Variants in FREM1 observed in about 807,000 individuals in gnomAD.
FREM1 encodes FRAS1 related extracellular matrix 1.
FREM1 carries 220 observed loss-of-function variants against 210.1 expected under a neutral mutation model. The observed-to-expected ratio is 1.05, with a 90% CI of 0.94 to 1.17. FREM1 has a LOEUF of 1.17. FREM1 is among the 50% of genes most tolerant of loss of function. The pLI, the probability that FREM1 is intolerant of heterozygous loss-of-function variation, is 0.00. For synonymous variants in FREM1, 1,189 were observed against 980.2 expected, an observed-to-expected ratio of 1.21 and a Z score of -3.98; for missense variants, 3,454 against 2,675.5, an observed-to-expected ratio of 1.29 and a Z score of -6.42.
At chr9:14,760,147 T>A (rs1008813444) in intron 27 of FREM1, among the ~76,000 whole-genome samples, 15 of 152,158 alleles carry the variant, frequency 9.9e-5, no homozygotes, top group African/African-American at 3.6e-4. Context: ...AAATGAAGAA[T>A]CTAAGGTTAA....
chr9:14,906,220 G>A (rs1817673699), intron 1 of FREM1, among the ~76,000 whole-genome samples: 1 of 152,136 alleles, frequency 6.6e-6, no homozygotes. Context: ...TGAGTAACTT[G>A]GCCAACATTA....
At chr9:14,753,286 A>G (rs1479020546) in intron 29 of FREM1, among the ~76,000 whole-genome samples, 1 of 152,216 alleles carries the variant, frequency 6.6e-6, no homozygotes, top group African/African-American at 2.4e-5. Context: ...CTCTATTGAA[A>G]GACATTTTCT....
At chr9:14,794,356 C>T (rs928925290) in intron 21 of FREM1, among the ~76,000 whole-genome samples, 31 of 152,180 alleles carry the variant, frequency 2.0e-4, no homozygotes, top group African/African-American at 7.2e-4. Context: ...GGACAGGAAG[C>T]TGGAGCATTT....
intron 8 of FREM1, 23 bp downstream of exon 8, chr9:14,845,937 G>C: frequency 3.1e-6 from 5 of 1,612,250 alleles, no homozygotes; most frequent in Non-Finnish European, 4.2e-6. Flanking sequence ...TTCTTTGCTA[G>C]GTTACCAAGT....
chr9:14,782,876 A>T (rs1193171032), intron 24 of FREM1, among the ~76,000 whole-genome samples: 1 of 152,230 alleles, frequency 6.6e-6, no homozygotes, highest in Non-Finnish European at 1.5e-5. Context: ...AAACAAGAGC[A>T]CAGGAGGTTG....
chr9:14,776,402 C>A (rs1848583007), intron 24 of FREM1, 199 bp from the exon 25 acceptor site: 1 of 490,724 alleles, frequency 2.0e-6, no homozygotes, highest in East Asian at 3.1e-5. Flanking sequence ...CCATTCTACA[C>A]CCAAGAATAT....
intron 22 of FREM1, among the ~76,000 whole-genome samples, chr9:14,791,629 G>A (rs4740588): frequency 0.025 from 3,735 of 152,188 alleles, 61 homozygotes; most frequent in Non-Finnish European, 0.036. Flanking sequence ...CTGAACTTTC[G>A]TCTTTTAAGT....
chr9:14,842,453 T>C lies in FREM1; in HGVS notation c.1601A>G (p.Glu534Gly). The change falls in exon 9 of 37, where the codon GAG (glutamate) becomes GGG (glycine). Residue 534 changes from glutamate (E) to glycine (G), a missense_variant. Coordinates refer to ENST00000380880, the MANE Select transcript of FREM1 (RefSeq NM_001379081.2). ...TCCCTGGATCAGGATGGTCTGCCCC[T>C]CCTCCAGTTCAATCACAACATTGGT... ...LITNVVIELE[E>G]GQTILIQGSM... The C allele has an allele frequency of 6.2e-7, 1 of 1,613,994 alleles. No individual in the cohort carries two copies. Among genetic ancestry groups the C allele is most frequent in the Non-Finnish European group, 8.5e-7 (1 of 1,179,854 alleles).
intron 22 of FREM1, among the ~76,000 whole-genome samples, chr9:14,792,029 G>A (rs536583187): frequency 1.5e-4 from 23 of 152,106 alleles, no homozygotes; most frequent in African/African-American, 5.3e-4. Flanking sequence ...ATTTTTAGTA[G>A]AGATGGGGTT....
intron 2 of FREM1, among the ~76,000 whole-genome samples, chr9:14,868,325 C>G (rs1046865288): frequency 3.3e-5 from 5 of 152,016 alleles, no homozygotes; most frequent in Non-Finnish European, 5.9e-5. Flanking sequence ...TAATTAGCTA[C>G]TCTATAAGGT....
intron 13 of FREM1, among the ~76,000 whole-genome samples, chr9:14,822,710 C>G (rs1419998521): frequency 6.6e-6 from 1 of 152,102 alleles, no homozygotes; most frequent in Non-Finnish European, 1.5e-5. Flanking sequence ...AAACACAGGG[C>G]AGTGGGGCAA....
intron 21 of FREM1, among the ~76,000 whole-genome samples, chr9:14,795,828 A>G (rs138156600): frequency 1.5e-3 from 232 of 152,284 alleles, no homozygotes; most frequent in Middle Eastern, 0.01. Flanking sequence ...TGTCTGTCCT[A>G]TAGTAAGCAC....
chr9:14,874,745 G>A (rs1160224235), intron 1 of FREM1, among the ~76,000 whole-genome samples: 1 of 152,158 alleles, frequency 6.6e-6, no homozygotes, highest in Non-Finnish European at 1.5e-5. Flanking sequence ...ATTAGTTGAT[G>A]CAGTTTCTTC....
chr9:14,802,480 C>A (rs1344904858), intron 19 of FREM1, among the ~76,000 whole-genome samples: 2 of 152,198 alleles, frequency 1.3e-5, no homozygotes, highest in African/African-American at 4.8e-5. Context: ...CATCTCCCTC[C>A]CATTCTTATA....
At position 14,872,546 on chromosome 9, in the gene FREM1, T is replaced by C. The variant is rs1247845608; in HGVS notation, c.-267-3302A>G. 5.9e-5 allele frequency among the ~76,000 whole-genome samples: 9 copies of C among 152,330 alleles called. No homozygotes were observed. In the East Asian group the frequency reaches 1.7e-3, roughly 29 times the overall value. On this transcript the variant is annotated intron_variant, in intron 1 of 36. Coordinates refer to ENST00000380880, the MANE Select transcript of FREM1 (RefSeq NM_001379081.2). ...ATCCTGAGACTTTGCTGAAGTTGCT[T>C]ATCAGCTTAAGGAGATTTTGGACTG...
intron 13 of FREM1, 61 bp downstream of exon 13, chr9:14,823,099 G>A: frequency 7.8e-7 from 1 of 1,281,970 alleles, no homozygotes; most frequent in East Asian, 2.5e-5. Flanking sequence ...TTTCTAGTAG[G>A]TCTTCAAGTC....
chr9:14,889,638 T>C (rs1836432211), intron 1 of FREM1, among the ~76,000 whole-genome samples: 1 of 152,170 alleles, frequency 6.6e-6, no homozygotes, highest in Non-Finnish European at 1.5e-5. Context: ...CAGCATTTCC[T>C]TCCCAGATCT....
rs763046288 is a variant in FREM1 at position 14,851,386 on chromosome 9, A to G, written c.1050T>C (p.Asp350=). 6.2e-7 allele frequency: 1 copy of G among 1,613,902 alleles called. No homozygotes were observed. Among genetic ancestry groups the G allele is most frequent in the East Asian group, 2.2e-5 (1 of 44,878 alleles). ...PLQGYVTHLL[D]HTRPISSFTW... ...TGAATGAGGAGATTGGTCTGGTGTGATCCAACAGGTGAGTCACATAGCCCT... is the reference window on the plus strand; with the variant it reads ...TGAATGAGGAGATTGGTCTGGTGTGGTCCAACAGGTGAGTCACATAGCCCT... The change falls in exon 6 of 37, where the codon GAT becomes GAC. Residue 350 remains aspartate (D), a synonymous_variant. Transcript: ENST00000380880.
At chr9:14,824,654 A>G (rs1201303955) in intron 11 of FREM1, 142 bp downstream of exon 11, 1 of 594,022 alleles carries the variant, frequency 1.7e-6, no homozygotes, top group East Asian at 3.0e-5. Context: ...AGAAAAAAGT[A>G]AACGCTTAAT....
Sources: allele counts gnomAD v4.1 joint callset (sites outside exome capture counted in the v4.1 genomes callset), GRCh38; gene constraint gnomAD v4.1.1; transcripts MANE v1.5; gene names NCBI Gene and HGNC (gene_info 2026-07-23, HGNC 2026-07-21).